Variants in ABCG2 observed in about 807,000 individuals in gnomAD.
The protein encoded by ABCG2 is broad substrate specificity ATP-binding cassette transporter ABCG2.
ABCG2 carries 80 observed loss-of-function variants against 73.5 expected under a neutral mutation model. The observed-to-expected ratio is 1.09, with a 90% confidence interval of 0.91 to 1.31. The LOEUF is 1.31. Ranked by LOEUF, ABCG2 falls within the 50% of genes most tolerant of loss-of-function variation. The probability of loss-of-function intolerance (pLI) is 0.00; values close to 1 mark genes in which losing one functional copy is unlikely to be tolerated. For synonymous variants in ABCG2, 269 were observed against 282.4 expected (o/e 0.95, Z 0.48); for missense variants, 796 against 786.2 (o/e 1.01, Z -0.15).
intron 1 of ABCG2, among the ~76,000 whole-genome samples, chr4:88,152,642 T>C (rs1726586074): frequency 6.6e-6 from 1 of 152,124 alleles, no homozygotes; most frequent in Non-Finnish European, 1.5e-5. Context: ...TGGAATGTCA[T>C]CAGTTAAGGC....
intron 5 of ABCG2, among the ~76,000 whole-genome samples, chr4:88,123,053 G>T (rs1724123751): frequency 6.6e-6 from 1 of 152,176 alleles, no homozygotes; most frequent in South Asian, 2.1e-4. Context: ...GAGTGGACCT[G>T]CAGCAAACTC....
chr4:88,170,051 C>T (rs1368700534), intron 1 of ABCG2, among the ~76,000 whole-genome samples: 1 of 142,338 alleles, frequency 7.0e-6, no homozygotes, highest in Admixed American at 7.4e-5. Flanking sequence ...GCGGAGGTTG[C>T]GGTGAGCCGA....
chr4:88,100,596 G>A (rs1026058404), intron 11 of ABCG2, among the ~76,000 whole-genome samples: 1 of 151,508 alleles, frequency 6.6e-6, no homozygotes, highest in Admixed American at 6.6e-5. Flanking sequence ...GCAGCAATGA[G>A]CCATGATCAT....
chr4:88,140,011 C>T lies in ABCG2; in HGVS notation c.-16G>A, dbSNP rs764091794. 1.2e-6 allele frequency: 2 copies of T among 1,611,426 alleles called. No homozygotes were observed. Among genetic ancestry groups the T allele is most frequent in the South Asian group, 2.2e-5 (2 of 90,562 alleles). On this transcript the variant is annotated 5_prime_UTR_variant, in exon 2 of 16. Coordinates refer to ENST00000237612, the MANE Select transcript of ABCG2 (RefSeq NM_004827.3). ...TGGAAGACATCTGGAGAGTTTTTAT[C>T]TTTCTGCAGACAGAAAAGCAATAGT...
chr4:88,212,603 A>G (rs1729648674), intron 1 of ABCG2, among the ~76,000 whole-genome samples: 1 of 152,094 alleles, frequency 6.6e-6, no homozygotes, highest in Admixed American at 6.6e-5. Flanking sequence ...AACTCCGGCA[A>G]ACCTTTGACC....
chr4:88,192,613 T>C (rs1728736605), intron 1 of ABCG2, among the ~76,000 whole-genome samples: 1 of 150,882 alleles, frequency 6.6e-6, no homozygotes, highest in African/African-American at 2.4e-5. Flanking sequence ...AGAGACGGAG[T>C]TTACCAGGTT....
chr4:88,143,903 C>T (rs1400277446), intron 1 of ABCG2, among the ~76,000 whole-genome samples: 5 of 152,150 alleles, frequency 3.3e-5, no homozygotes, highest in Admixed American at 2.6e-4. Context: ...CAACTCAGCA[C>T]CAGACTCATC....
chr4:88,144,496 C>T (rs1725845838), intron 1 of ABCG2, among the ~76,000 whole-genome samples: 1 of 126,916 alleles, frequency 7.9e-6, no homozygotes, highest in South Asian at 2.6e-4. Context: ...ACTCTTGTTG[C>T]CCAGGCTGGA....
chr4:88,108,687 A>G (rs1190208910), intron 9 of ABCG2, among the ~76,000 whole-genome samples: 3 of 152,212 alleles, frequency 2.0e-5, no homozygotes, highest in Admixed American at 2.0e-4. Context: ...GTAACTGATC[A>G]AGGACACTTT....
intron 1 of ABCG2, among the ~76,000 whole-genome samples, chr4:88,172,961 G>C (rs1303365878): frequency 6.6e-6 from 1 of 152,048 alleles, no homozygotes; most frequent in Non-Finnish European, 1.5e-5. Flanking sequence ...GACTTTGAAG[G>C]GTAGCTTAAT....
At chr4:88,220,589 A>T (rs1729980250) in intron 1 of ABCG2, 1 of 152,960 alleles carries the variant, frequency 6.5e-6, no homozygotes, top group African/African-American at 2.4e-5. Flanking sequence ...TTCCTCCTGA[A>T]GGAGCATCCT....
At chr4:88,202,354 T>TATATATA (rs1553945717) in intron 1 of ABCG2, among the ~76,000 whole-genome samples, 3,081 of 61,984 alleles carry the variant, frequency 0.05, 855 homozygotes, top group South Asian at 0.082. Context: ...CTACAATTAT[T>TATATATA]TATATATATA....
Position 88,153,318 on chromosome 4 carries a change from A to G in ABCG2, c.-20+5068T>C, listed in dbSNP as rs554151960. ...GACAAGTTTTTGGGGGCGCAGTCCAAGTTGGTCTGGTGTCTGGAATGAGAC... is the reference window on the plus strand; with the variant it reads ...GACAAGTTTTTGGGGGCGCAGTCCAGGTTGGTCTGGTGTCTGGAATGAGAC... On this transcript the variant is annotated intron_variant, in intron 1 of 15. Transcript: ENST00000237612. Among the ~76,000 whole-genome samples the G allele has an allele frequency of 3.9e-5, 6 of 152,192 alleles. 1 individual carries two copies. In the South Asian group the frequency reaches 1.2e-3, roughly 32 times the overall value.
chr4:88,191,986 C>T (rs562238267), intron 1 of ABCG2, among the ~76,000 whole-genome samples: 1 of 152,078 alleles, frequency 6.6e-6, no homozygotes, highest in South Asian at 2.1e-4. Context: ...GCCTGGGCAA[C>T]GTGGCAAAAT....
At chr4:88,109,848 C>A (rs1382120399) in intron 9 of ABCG2, among the ~76,000 whole-genome samples, 1 of 152,208 alleles carries the variant, frequency 6.6e-6, no homozygotes, top group Non-Finnish European at 1.5e-5. Flanking sequence ...CATACAAAAT[C>A]ATAAACCCTG....
At chr4:88,129,481 G>T (rs1230969990) in intron 5 of ABCG2, among the ~76,000 whole-genome samples, 1 of 152,152 alleles carries the variant, frequency 6.6e-6, no homozygotes, top group South Asian at 2.1e-4. Context: ...AGCAACATAG[G>T]GCAATGGCTG....
chr4:88,188,900 C>G (rs984342339), intron 1 of ABCG2, among the ~76,000 whole-genome samples: 4 of 152,012 alleles, frequency 2.6e-5, no homozygotes, highest in African/African-American at 9.7e-5. Flanking sequence ...GTAATCCCAG[C>G]TACTCAGGAG....
intron 2 of ABCG2, among the ~76,000 whole-genome samples, chr4:88,134,177 C>G (rs571306759): frequency 4.1e-4 from 63 of 152,224 alleles, no homozygotes; most frequent in Non-Finnish European, 8.1e-4. Flanking sequence ...CTATTTCATT[C>G]TCAAATAATG....
At position 88,101,262 on chromosome 4, in the gene ABCG2, C is replaced by G; in HGVS notation, c.1335G>C (p.Val445=). The part of the protein sequence containing the change: ...TNQCFSSVSA[V]ELFVVEKKLF... Reference sequence around the variant, plus strand: ...GCTTCTTCTCTACCACAAAGAGTTCCACGGCTGAAACACTGCTGAAACACT... The same window carrying G: ...GCTTCTTCTCTACCACAAAGAGTTCGACGGCTGAAACACTGCTGAAACACT... The change falls in exon 11 of 16, where the codon GTG becomes GTC. Residue 445 remains valine (V), a synonymous_variant. Transcript: ENST00000237612. 6.2e-7 allele frequency: 1 copy of G among 1,614,030 alleles called. No homozygotes were observed. Among genetic ancestry groups the G allele is most frequent in the Non-Finnish European group, 8.5e-7 (1 of 1,179,988 alleles).
Sources: gnomAD v4.1 joint callset for allele counts (sites outside exome capture counted in the v4.1 genomes callset) on GRCh38, gnomAD v4.1.1 for gene constraint, MANE v1.5 for transcripts, NCBI Gene and HGNC (gene_info 2026-07-23, HGNC 2026-07-21) for gene names.